The following UBXN6 variants were observed in gnomAD, a reference collection of about 807,000 sequenced individuals.
The protein encoded by UBXN6 is UBX domain-containing protein 6.
UBXN6 carries 44 observed loss-of-function variants against 51.4 expected under a neutral mutation model. The ratio of observed to expected loss-of-function variants is 0.86; its 90% CI spans 0.67 to 1.10. UBXN6 has a LOEUF of 1.10. Ranked by LOEUF, UBXN6 falls within the 50% of genes least tolerant of loss-of-function variation. The pLI is 0.00. For synonymous variants in UBXN6, 316 were observed against 263.2 expected, an observed-to-expected ratio of 1.20 and a Z score of -1.94; for missense variants, 672 against 596.1, an observed-to-expected ratio of 1.13 and a Z score of -1.32.
chr19:4,445,754 G>T, intron 10 of UBXN6, 131 bp from the exon 11 acceptor site: 2 of 1,431,588 alleles, frequency 1.4e-6, no homozygotes, highest in Non-Finnish European at 1.9e-6. Flanking sequence ...GCTGTGGCTC[G>T]CACCCAGGCC....
chr19:4,448,242 G>T (rs945913861), intron 5 of UBXN6, 76 bp downstream of exon 5: 3 of 1,337,148 alleles, frequency 2.2e-6, no homozygotes, highest in Middle Eastern at 1.8e-4. Flanking sequence ...GGGGCCAGAG[G>T]GGGTGACAGC....
chr19:4,447,199 C>T, intron 6 of UBXN6: 1 of 582,130 alleles, frequency 1.7e-6, no homozygotes, highest in Non-Finnish European at 3.1e-6. Flanking sequence ...GCGAGGCTAA[C>T]ACCGCCCAGG....
intron 3 of UBXN6, among the ~76,000 whole-genome samples, chr19:4,453,120 G>A (rs1974682075): frequency 6.6e-6 from 1 of 152,206 alleles, no homozygotes; most frequent in African/African-American, 2.4e-5. Context: ...GTCCTGGGGT[G>A]TAGGAGAGAG....
rs752239845 is a variant in UBXN6, at chr19:4,446,811, A to C, written c.700+25T>G. The C allele has an allele frequency of 5.6e-6, 9 of 1,613,546 alleles. No homozygotes were observed. The African/African-American group carries it at 1.2e-4, about 22-fold the overall frequency. ...CCGAGGCCCCTCGTCCCCATTCCCTACTCAGCCAGGCCCTGTCCACTTACC... is the reference window on the plus strand; with the variant it reads ...CCGAGGCCCCTCGTCCCCATTCCCTCCTCAGCCAGGCCCTGTCCACTTACC... On this transcript the variant is annotated intron_variant, in intron 7 of 10. Coordinates refer to ENST00000301281, the MANE Select transcript of UBXN6 (RefSeq NM_025241.3).
chr19:4,446,378 G>T lies in UBXN6; in HGVS notation c.956C>A (p.Thr319Asn). 6.3e-7 allele frequency: 1 copy of T among 1,576,762 alleles called. No individual in the cohort carries two copies. ...EAVERLSVLR[T>N]KAMREKEEQR... ...CTCCTCCTTCTCCCGCATGGCCTTG[G>T]TCCGCAGCACGCTCAGCCGCTCCAC... The change falls in exon 9 of 11, where the codon ACC (threonine) becomes AAC (asparagine). Residue 319 changes from threonine (T) to asparagine (N), a missense_variant. Physicochemically the swap from Thr to Asn is moderately conservative, Grantham distance 65. Coordinates refer to ENST00000301281, the MANE Select transcript of UBXN6 (RefSeq NM_025241.3).
chr19:4,454,216 T>C, intron 1 of UBXN6, 123 bp from the exon 2 acceptor site: 1 of 1,138,264 alleles, frequency 8.8e-7, no homozygotes, highest in African/African-American at 1.6e-5. Context: ...TCCCTGCCTA[T>C]GTGGGCCAGG....
In UBXN6 at chr19:4,453,922, T is replaced by C. The variant is rs369583372; in HGVS notation, c.247+8A>G. 4.7e-5 allele frequency: 76 copies of C among 1,608,606 alleles called. No homozygotes were observed. The highest frequency in any genetic ancestry group is 1.6e-4 in the Middle Eastern group (1 of 6,062). On this transcript the variant is annotated splice_region_variant and intron_variant, in intron 2 of 10. Transcript: ENST00000301281. ...CCCAACCTGGGCCCGAGGAGGGCCATATCTCACCCTGGTTTCGGATGGTGT... is the reference window on the plus strand; with the variant it reads ...CCCAACCTGGGCCCGAGGAGGGCCACATCTCACCCTGGTTTCGGATGGTGT...
chr19:4,447,206 C>T, intron 6 of UBXN6: 1 of 580,078 alleles, frequency 1.7e-6, no homozygotes, highest in Non-Finnish European at 3.1e-6. Flanking sequence ...TAACACCGCC[C>T]AGGACCCCAG....
rs1974575774 is a variant in UBXN6 at position 4,448,079 on chromosome 19, AG to A, written c.539+238del. On this transcript the variant is annotated intron_variant, in intron 5 of 10. Transcript: ENST00000301281. ...CCTCCACATGTTCCCCAAGGAAGCC[AG>A]GGTGGGAAACCCCTGATTCCTTCAA... The A allele has an allele frequency of 7.0e-6, 4 of 572,772 alleles. No homozygotes were observed. The South Asian group carries it at 8.4e-5, about 12-fold the overall frequency. The allele number at this position is 572,772 out of a possible 1,614,324, so 35.5% of individuals were successfully genotyped here.
In UBXN6 at chr19:4,452,258, C is replaced by A. The variant is rs565436436; in HGVS notation, c.441+106G>T. ...GAGGGGCTTCACTACTAGCAGTGGC[C>A]TCTGGGGACTCTGGGAGGGATCTGT... On this transcript the variant is annotated intron_variant, in intron 4 of 10. Coordinates refer to ENST00000301281, the MANE Select transcript of UBXN6 (RefSeq NM_025241.3). The A allele has an allele frequency of 5.3e-6, 8 of 1,510,068 alleles. No homozygotes were observed. In the African/African-American group the frequency reaches 9.6e-5, roughly 18 times the overall value. 93.5% of individuals were successfully genotyped at this position (1,510,068 alleles called of 1,614,324 possible).
At position 4,446,578 on chromosome 19, in the gene UBXN6, G is replaced by A. The variant is rs778305826; in HGVS notation, c.842C>T (p.Pro281Leu). 5 of 1,612,478 alleles carry A rather than the reference G, an allele frequency of 3.1e-6. No individual in the cohort carries two copies. In the African/African-American group the frequency reaches 6.7e-5, roughly 22 times the overall value. Reference sequence around the variant, plus strand: ...AGGCAGTTCGAACTGCGAGGCCAGGGGCGAGGGCTGGAAGACGCGGCGCTG... The same window carrying A: ...AGGCAGTTCGAACTGCGAGGCCAGGAGCGAGGGCTGGAAGACGCGGCGCTG... ...DRQRRVFQPS[P>L]LASQFELPGD... Residue 281 changes from proline to leucine, a missense_variant, in exon 8 of 11, where the codon CCC becomes CTC. By Grantham distance (98) the Pro-to-Leu change is moderately conservative. Transcript: ENST00000301281.
chr19:4,452,353 G>A lies in UBXN6; in HGVS notation c.441+11C>T. 6.2e-7 allele frequency: 1 copy of A among 1,612,816 alleles called. No individual in the cohort carries two copies. The highest frequency in any genetic ancestry group is 8.5e-7 in the Non-Finnish European group (1 of 1,179,242). On this transcript the variant is annotated intron_variant, in intron 4 of 10. Transcript: ENST00000301281. ...ACAGGTTGGGGCAGGAGCACACAGGGTGCCACTCACCAAGAGAATGGCCTC... is the reference window on the plus strand; with the variant it reads ...ACAGGTTGGGGCAGGAGCACACAGGATGCCACTCACCAAGAGAATGGCCTC...
rs867859181 is a variant in UBXN6 at position 4,446,310 on chromosome 19, G to A, written c.1024C>T (p.Arg342Cys). 18 of 1,570,848 alleles carry A rather than the reference G, an allele frequency of 1.1e-5. No homozygotes were observed. The highest frequency in any genetic ancestry group is 4.0e-5 in the African/African-American group (3 of 74,366). Reference sequence around the variant, plus strand: ...TGCAGGAGGCAGCCATCGGGGAGGCGCACGCGCAGCAGCGTGTAGTTGTAC... The same window carrying A: ...TGCAGGAGGCAGCCATCGGGGAGGCACACGCGCAGCAGCGTGTAGTTGTAC... ...RKYNYTLLRV[R>C]LPDGCLLQGT... The change falls in exon 9 of 11, where the codon CGC becomes TGC. Residue 342 changes from arginine (R) to cysteine (C), a missense_variant. Physicochemically the swap from Arg to Cys is radical, Grantham distance 180. Transcript: ENST00000301281.
At chr19:4,450,178 T>C (rs1599677791) in intron 4 of UBXN6, 1 of 148,724 alleles carries the variant, frequency 6.7e-6, no homozygotes, top group Middle Eastern at 3.4e-3. Flanking sequence ...TGAGCTGAGA[T>C]TGCACCACTG....
intron 4 of UBXN6, among the ~76,000 whole-genome samples, chr19:4,451,563 A>T (rs243394): frequency 0.33 from 49,475 of 151,968 alleles, 8,531 homozygotes; most frequent in East Asian, 0.59. Context: ...CATGTTGCCC[A>T]GGCTAAAGCC....
chr19:4,448,017 G>A lies in UBXN6; in HGVS notation c.539+301C>T, dbSNP rs545531999. The A allele has an allele frequency of 1.4e-4, 72 of 526,012 alleles. 1 individual carries two copies. The highest frequency in any genetic ancestry group is 1.2e-3 in the South Asian group (54 of 45,776). 32.6% of individuals were successfully genotyped at this position (526,012 alleles called of 1,614,324 possible). On this transcript the variant is annotated intron_variant, in intron 5 of 10. Transcript: ENST00000301281. ...AGCGTGGACCTCCAGGCCTGCCCCC[G>A]ATCCTGAGACCCGGGGAGTGGGGTG...
rs1974530708 is a variant in UBXN6, at chr19:4,446,592, G to A, written c.828C>T (p.Val276=). 1 of 1,612,556 alleles carries A rather than the reference G, an allele frequency of 6.2e-7. No individual in the cohort carries two copies. The highest frequency in any genetic ancestry group is 1.7e-5 in the Admixed American group (1 of 59,998). ...GCGAGGCCAGGGGCGAGGGCTGGAA[G>A]ACGCGGCGCTGCCTGTCCAGCTTGG... ...VRAKLDRQRR[V]FQPSPLASQF... is the part of the protein sequence containing the mutation. The change falls in exon 8 of 11, where the codon GTC becomes GTT. Residue 276 remains valine, a synonymous_variant. Transcript: ENST00000301281.
At chr19:4,446,797 C>T (rs753101384) in intron 7 of UBXN6, 39 bp downstream of exon 7, 19 of 1,613,634 alleles carry the variant, frequency 1.2e-5, no homozygotes, top group African/African-American at 2.7e-5. Flanking sequence ...CGAGGCCCCT[C>T]GTCCCCATTC....
chr19:4,452,564 C>A, intron 3 of UBXN6, 72 bp from the exon 4 acceptor site: 1 of 1,526,970 alleles, frequency 6.5e-7, no homozygotes, highest in Admixed American at 2.0e-5. Flanking sequence ...GCACCACAGT[C>A]CTGAGTGTGG....
Sources: allele counts gnomAD v4.1 joint callset (sites outside exome capture counted in the v4.1 genomes callset), GRCh38; gene constraint gnomAD v4.1.1; transcripts MANE v1.5; gene names NCBI Gene and HGNC (gene_info 2026-07-23, HGNC 2026-07-21).